Variants in CSMD2 observed in about 807,000 individuals in gnomAD.
The protein encoded by CSMD2 is CUB and sushi domain-containing protein 2.
Under a neutral mutation model 398.5 loss-of-function variants are expected in CSMD2, and 130 were observed. The ratio of observed to expected loss-of-function variants is 0.33; its 90% CI spans 0.28 to 0.38. CSMD2 has a LOEUF of 0.38. CSMD2 is among the 10% of genes least tolerant of loss of function. The pLI is 1.00. For missense variants in CSMD2, 3,829 were observed against 4,764.9 expected (o/e 0.80, Z 5.78); for synonymous variants, 1,828 against 1,908.5 (o/e 0.96, Z 1.10).
chr1:33,876,370 T>A (rs1488865530), intron 5 of CSMD2, among the ~76,000 whole-genome samples: 2 of 152,130 alleles, frequency 1.3e-5, no homozygotes, highest in African/African-American at 2.4e-5. Flanking sequence ...CCCTGGGCAA[T>A]TTGTCGAACA....
intron 38 of CSMD2, among the ~76,000 whole-genome samples, 177 bp downstream of exon 38, chr1:33,617,322 T>C (rs930277212): frequency 1.3e-5 from 2 of 152,166 alleles, no homozygotes; most frequent in Non-Finnish European, 2.9e-5. Context: ...TGTGCCAAAT[T>C]GTTAAAGTCA....
At chr1:34,003,586 GTC>G (rs915851981) in intron 3 of CSMD2, among the ~76,000 whole-genome samples, 1 of 152,174 alleles carries the variant, frequency 6.6e-6, no homozygotes, top group African/African-American at 2.4e-5. Flanking sequence ...GGAGGATGCA[GTC>G]TCTCTCTGGC....
chr1:33,550,172 C>T lies in CSMD2; in HGVS notation c.8917+5G>A. 1 of 1,612,910 alleles carries T rather than the reference C, an allele frequency of 6.2e-7. No individual in the cohort carries two copies. Among genetic ancestry groups the T allele is most frequent in the African/African-American group, 1.3e-5 (1 of 75,024 alleles). ...GAGCTCTTTCCTCAATGCCATGCAC[C>T]ATACCTGAGCAGTGAGGGAGGGAGC... On this transcript the variant is annotated splice_donor_5th_base_variant and intron_variant, in intron 56 of 70. Coordinates refer to ENST00000373381, the MANE Select transcript of CSMD2 (RefSeq NM_001281956.2).
At chr1:33,685,104 A>G (rs1177950559) in intron 25 of CSMD2, among the ~76,000 whole-genome samples, 1 of 152,230 alleles carries the variant, frequency 6.6e-6, no homozygotes, top group African/African-American at 2.4e-5. Context: ...TCATCAGGAG[A>G]GAGCTCCGTG....
chr1:34,115,878 C>A (rs1661553035), intron 1 of CSMD2, among the ~76,000 whole-genome samples: 1 of 151,832 alleles, frequency 6.6e-6, no homozygotes, highest in South Asian at 2.1e-4. Flanking sequence ...TATTATCAGT[C>A]TAAGACATAT....
chr1:34,063,209 T>C (rs925575601), intron 2 of CSMD2, among the ~76,000 whole-genome samples: 7 of 152,168 alleles, frequency 4.6e-5, no homozygotes, highest in South Asian at 2.1e-4. Context: ...ATTCCAACCC[T>C]GGCCCCTCCA....
intron 25 of CSMD2, among the ~76,000 whole-genome samples, chr1:33,681,713 C>T (rs6657165): frequency 0.022 from 3,333 of 152,248 alleles, 112 homozygotes; most frequent in African/African-American, 0.074. Context: ...TGCCTGTAAT[C>T]CCAGCACTTT....
intron 3 of CSMD2, among the ~76,000 whole-genome samples, chr1:33,977,717 C>T (rs1646020946): frequency 6.6e-6 from 1 of 152,006 alleles, no homozygotes; most frequent in African/African-American, 2.4e-5. Context: ...CCAACCCTTC[C>T]ACATGCTGAC....
chr1:33,787,334 G>A (rs1653656599), intron 12 of CSMD2, among the ~76,000 whole-genome samples: 1 of 152,194 alleles, frequency 6.6e-6, no homozygotes, highest in Non-Finnish European at 1.5e-5. Flanking sequence ...TCGAAACAGA[G>A]TACAGGTCCT....
At chr1:33,921,736 C>A (rs1472320916) in intron 4 of CSMD2, among the ~76,000 whole-genome samples, 2 of 152,204 alleles carry the variant, frequency 1.3e-5, no homozygotes, top group South Asian at 2.1e-4. Context: ...GGTGTTTGGA[C>A]TTTCCTCTGC....
intron 1 of CSMD2, among the ~76,000 whole-genome samples, chr1:34,146,613 G>A (rs2148540672): frequency 6.6e-6 from 1 of 152,292 alleles, no homozygotes; most frequent in South Asian, 2.1e-4. Context: ...AAGCAAAGAT[G>A]CAGAAAAATG....
At chr1:33,742,983 T>C (rs1557825638) in intron 14 of CSMD2, among the ~76,000 whole-genome samples, 1 of 152,170 alleles carries the variant, frequency 6.6e-6, no homozygotes, top group South Asian at 2.1e-4. Flanking sequence ...TCTTGTAGGA[T>C]GGGGAAGGTT....
rs553945632 is a variant in CSMD2, at chr1:33,664,675, C to T, written c.4053-1583G>A. Among the ~76,000 whole-genome samples the T allele has an allele frequency of 2.9e-3, 444 of 151,884 alleles. 2 individuals are homozygous for T. The highest frequency in any genetic ancestry group is 0.01 in the African/African-American group (418 of 41,424). On this transcript the variant is annotated intron_variant, in intron 25 of 70. Transcript: ENST00000373381. ...AAAATTAGCCGGGCGAGGTGGCGGG[C>T]GCCTGTAGTCCCAGCTACTTGGGAG...
Position 33,583,587 on chromosome 1 carries a change from G to A in CSMD2, c.7240+55C>T, listed in dbSNP as rs190361307. ...CTGCAGCACAGACTCCTCGGGTTCT[G>A]GAGCAAGTCCATGTCTTCTGCAGCA... On this transcript the variant is annotated intron_variant, in intron 47 of 70. Coordinates refer to ENST00000373381, the MANE Select transcript of CSMD2 (RefSeq NM_001281956.2). 5.2e-5 allele frequency: 80 copies of A among 1,552,218 alleles called. No individual in the cohort carries two copies. In the Admixed American group the frequency reaches 1.2e-3, roughly 23 times the overall value.
At chr1:33,801,038 G>T (rs1216618304) in intron 10 of CSMD2, among the ~76,000 whole-genome samples, 2 of 152,160 alleles carry the variant, frequency 1.3e-5, no homozygotes, top group South Asian at 4.1e-4. Context: ...CACCTGCCTG[G>T]AGAATTAATT....
At chr1:34,107,986 A>G (rs1178576814) in intron 1 of CSMD2, among the ~76,000 whole-genome samples, 1 of 152,228 alleles carries the variant, frequency 6.6e-6, no homozygotes, top group Non-Finnish European at 1.5e-5. Context: ...GGGCAGGACC[A>G]CGCCTGACTC....
chr1:33,896,357 A>G (rs1642386155), intron 5 of CSMD2, among the ~76,000 whole-genome samples: 1 of 152,194 alleles, frequency 6.6e-6, no homozygotes, highest in South Asian at 2.1e-4. Flanking sequence ...GGTCTTACAC[A>G]TGGCCACATA....
chr1:33,523,986 A>T (rs1654548570), intron 66 of CSMD2, among the ~76,000 whole-genome samples: 1 of 152,238 alleles, frequency 6.6e-6, no homozygotes, highest in African/African-American at 2.4e-5. Context: ...TTATAGAAAG[A>T]TTGAAAATTG....
rs1641815678 is a variant in CSMD2 at position 33,622,189 on chromosome 1, AGCT to A, written c.5802_5804del (p.Ala1935del). 1 of 1,613,816 alleles carries A rather than the reference AGCT, an allele frequency of 6.2e-7. No individual in the cohort carries two copies. Among genetic ancestry groups the A allele is most frequent in the Non-Finnish European group, 8.5e-7 (1 of 1,179,796 alleles). On this transcript the variant is annotated inframe_deletion, in exon 37 of 71. Coordinates refer to ENST00000373381, the MANE Select transcript of CSMD2 (RefSeq NM_001281956.2). Reference sequence around the variant, plus strand: ...CACTTTTGTACTCCAAGTGGAAGCCAGCTGCAGATACGCTGATATCTGAGTAGA... The same window carrying A: ...CACTTTTGTACTCCAAGTGGAAGCCAGCAGATACGCTGATATCTGAGTAGA...
Sources: allele counts gnomAD v4.1 joint callset (sites outside exome capture counted in the v4.1 genomes callset), GRCh38; gene constraint gnomAD v4.1.1; transcripts MANE v1.5; gene names NCBI Gene and HGNC (gene_info 2026-07-23, HGNC 2026-07-21).